The following UBE3D variants were observed in gnomAD, a reference collection of about 807,000 sequenced individuals.
UBE3D encodes the protein ubiquitin protein ligase E3D, also known as E3 ubiquitin-protein ligase E3D.
A neutral mutation model predicts 49.6 loss-of-function variants in UBE3D; 48 were observed. The observed-to-expected ratio is 0.97, with a 90% CI of 0.77 to 1.23. UBE3D has a LOEUF of 1.23. Ranked by LOEUF, UBE3D falls within the 50% of genes most tolerant of loss-of-function variation. The pLI, the probability that UBE3D is intolerant of heterozygous loss-of-function variation, is 0.00. For synonymous variants in UBE3D, 189 were observed against 174.2 expected, an observed-to-expected ratio of 1.08 and a Z score of -0.67; for missense variants, 452 against 468.4, an observed-to-expected ratio of 0.96 and a Z score of 0.32.
chr6:82,880,867 C>T, the UBE3D span, among the ~76,000 whole-genome samples: 2 of 152,116 alleles, frequency 1.3e-5, no homozygotes, highest in Non-Finnish European at 1.5e-5. Flanking sequence ...AGGGTGGCAT[C>T]GTTGTTGGGC....
chr6:83,020,062 C>T (rs1780979101), intron 7 of UBE3D, among the ~76,000 whole-genome samples: 1 of 152,082 alleles, frequency 6.6e-6, no homozygotes, highest in Non-Finnish European at 1.5e-5. Context: ...ACCAAGAATG[C>T]CCACTATAAA....
intron 9 of UBE3D, among the ~76,000 whole-genome samples, chr6:82,954,295 G>C (rs770008580): frequency 6.6e-6 from 1 of 152,154 alleles, no homozygotes; most frequent in Non-Finnish European, 1.5e-5. Flanking sequence ...CCTACATTTT[G>C]TTGGCTTATA....
chr6:83,053,672 A>T (rs1365159452), intron 3 of UBE3D, among the ~76,000 whole-genome samples: 2 of 152,228 alleles, frequency 1.3e-5, no homozygotes, highest in African/African-American at 4.8e-5. Flanking sequence ...TCATTGACAA[A>T]AGGTTAATTT....
intron 8 of UBE3D, among the ~76,000 whole-genome samples, chr6:82,959,454 T>C (rs1776390937): frequency 6.6e-6 from 1 of 151,888 alleles, no homozygotes; most frequent in Admixed American, 6.6e-5. Context: ...CCCTGCTCTG[T>C]AACCCAAGGA....
chr6:82,984,059 C>T (rs530328443), intron 8 of UBE3D, among the ~76,000 whole-genome samples: 1 of 152,178 alleles, frequency 6.6e-6, no homozygotes, highest in South Asian at 2.1e-4. Context: ...AACTTGTATC[C>T]TTGTTCTGTT....
chr6:82,972,261 G>A (rs1458036407), intron 8 of UBE3D, among the ~76,000 whole-genome samples: 2 of 152,174 alleles, frequency 1.3e-5, no homozygotes, highest in African/African-American at 4.8e-5. Context: ...TCTTTCACAA[G>A]AGGGCACTTG....
intron 9 of UBE3D, among the ~76,000 whole-genome samples, chr6:82,902,033 C>T (rs1200686886): frequency 2.0e-5 from 3 of 152,152 alleles, no homozygotes; most frequent in Non-Finnish European, 4.4e-5. Context: ...TGTGGCATAT[C>T]ACATATGACT....
At chr6:82,908,470 G>A (rs1177110305) in intron 9 of UBE3D, among the ~76,000 whole-genome samples, 1 of 152,060 alleles carries the variant, frequency 6.6e-6, no homozygotes, top group Admixed American at 6.6e-5. Context: ...ACTAATGGCT[G>A]GACTTCACCA....
intron 8 of UBE3D, among the ~76,000 whole-genome samples, chr6:82,983,130 C>T (rs372046181): frequency 1.7e-3 from 250 of 150,238 alleles, no homozygotes; most frequent in African/African-American, 5.9e-3. Flanking sequence ...GGATTACAGG[C>T]ATGAGCCATC....
At chr6:82,923,284 C>T (rs892611483) in intron 9 of UBE3D, among the ~76,000 whole-genome samples, 1 of 152,248 alleles carries the variant, frequency 6.6e-6, no homozygotes, top group East Asian at 1.9e-4. Context: ...GCACTATTCA[C>T]AATAGCAAAG....
chr6:82,934,608 C>G (rs1022698569), intron 9 of UBE3D, among the ~76,000 whole-genome samples: 1 of 151,916 alleles, frequency 6.6e-6, no homozygotes, highest in Non-Finnish European at 1.5e-5. Context: ...AGTTGTTAAA[C>G]AAGGTGAGCT....
At chr6:83,040,084 TG>T (rs1782552324) in intron 4 of UBE3D, among the ~76,000 whole-genome samples, 1 of 152,060 alleles carries the variant, frequency 6.6e-6, no homozygotes, top group African/African-American at 2.4e-5. Context: ...CAGATCTTGA[TG>T]TAAAAAAATA....
intron 9 of UBE3D, among the ~76,000 whole-genome samples, chr6:82,904,126 T>C (rs775231692): frequency 3.9e-5 from 6 of 152,072 alleles, no homozygotes; most frequent in Non-Finnish European, 8.8e-5. Flanking sequence ...GACTGGAGAA[T>C]TGGAGATAAA....
intron 9 of UBE3D, among the ~76,000 whole-genome samples, chr6:82,937,894 C>T (rs1415845524): frequency 1.3e-5 from 2 of 152,150 alleles, no homozygotes; most frequent in African/African-American, 4.8e-5. Context: ...GGCCAGATGG[C>T]ACCCTAACCC....
At chr6:82,897,134 G>T (rs768142119) in intron 9 of UBE3D, among the ~76,000 whole-genome samples, 1 of 151,582 alleles carries the variant, frequency 6.6e-6, no homozygotes, top group Admixed American at 6.6e-5. Flanking sequence ...AGACACAAAT[G>T]TTCCTTTTAA....
At chr6:82,896,100 GTACTGTACA>G (rs1443385453) in intron 9 of UBE3D, among the ~76,000 whole-genome samples, 1 of 152,138 alleles carries the variant, frequency 6.6e-6, no homozygotes, top group Non-Finnish European at 1.5e-5. Flanking sequence ...TTGGGAACAG[GTACTGTACA>G]ATGCATTTTA....
At chr6:82,898,271 G>A (rs868203475) in intron 9 of UBE3D, among the ~76,000 whole-genome samples, 52 of 152,288 alleles carry the variant, frequency 3.4e-4, no homozygotes, top group African/African-American at 1.0e-3. Context: ...ACAGTATGGC[G>A]ATTCCTCAAG....
chr6:82,880,977 A>T, the UBE3D span, among the ~76,000 whole-genome samples: 1 of 152,070 alleles, frequency 6.6e-6, no homozygotes, highest in Non-Finnish European at 1.5e-5. Context: ...TTTCTTTTAT[A>T]AGGTCTCTTA....
chr6:82,923,215 A>G (rs968106544), intron 9 of UBE3D, among the ~76,000 whole-genome samples: 1 of 152,238 alleles, frequency 6.6e-6, no homozygotes, highest in African/African-American at 2.4e-5. Context: ...CTGGGTATAT[A>G]CCCAAAGGAT....
Sources: gnomAD v4.1 joint callset for allele counts (sites outside exome capture counted in the v4.1 genomes callset) on GRCh38, gnomAD v4.1.1 for gene constraint, MANE v1.5 for transcripts, NCBI Gene and HGNC (gene_info 2026-07-23, HGNC 2026-07-21) for gene names.